The following NSD3 variants were observed in gnomAD, a reference collection of about 807,000 sequenced individuals.
The protein encoded by NSD3 is histone-lysine N-methyltransferase NSD3.
A neutral mutation model predicts 160.8 loss-of-function variants in NSD3; 24 were observed. The observed-to-expected ratio is 0.15, with a 90% CI of 0.11 to 0.21. The LOEUF (loss-of-function observed/expected upper bound fraction) is 0.21, where lower values mean the gene tolerates loss of function less well. NSD3 is among the 10% of genes least tolerant of loss of function. NSD3 has a pLI of 1.00. For synonymous variants in NSD3, 520 were observed against 600.0 expected, an observed-to-expected ratio of 0.87 and a Z score of 1.95; for missense variants, 1,157 against 1,735.9, an observed-to-expected ratio of 0.67 and a Z score of 5.93.
Position 38,382,228 on chromosome 8 carries a change from G to GCCGCCGCCGCCGCCTCTC in NSD3, c.-492_-475dup, listed in dbSNP as rs1294451625. On this transcript the variant is annotated 5_prime_UTR_variant, in exon 1 of 24. Coordinates refer to ENST00000317025, the MANE Select transcript of NSD3 (RefSeq NM_023034.2). The surrounding 1 kb of genome is among the most constrained non-coding windows in gnomAD (Gnocchi z 4.2). ...CCCCTCGGCCTCCGCCTCCGTGCTG[G>GCCGCCGCCGCCGCCTCTC]CCGCCGCCGCCGCCTCTCCCGCCGC... 4.0e-4 allele frequency: 67 copies of GCCGCCGCCGCCGCCTCTC among 168,064 alleles called. No individual in the cohort carries two copies. The highest frequency in any genetic ancestry group is 1.0e-3 in the African/African-American group (42 of 40,820). 10.4% of individuals were successfully genotyped at this position (168,064 alleles called of 1,614,324 possible). A position where few individuals can be genotyped will look rare whatever the true frequency, so the allele number is the denominator to read the frequency against.
At chr8:38,360,373 C>T (rs1311968113) in intron 1 of NSD3, among the ~76,000 whole-genome samples, 3 of 152,178 alleles carry the variant, frequency 2.0e-5, no homozygotes, top group South Asian at 4.1e-4. Context: ...AAGCACTTAA[C>T]ACATTTTTAG....
At chr8:38,299,375 C>T in intron 15 of NSD3, 69 bp downstream of exon 15, 1 of 1,517,046 alleles carries the variant, frequency 6.6e-7, no homozygotes, top group East Asian at 2.3e-5. Flanking sequence ...TACATTTCCC[C>T]CCTATATTGA....
chr8:38,287,048 A>G (rs764007284), intron 19 of NSD3, among the ~76,000 whole-genome samples: 5 of 152,180 alleles, frequency 3.3e-5, no homozygotes, highest in Non-Finnish European at 7.3e-5. Context: ...TGTCTTGTTC[A>G]CTATTGTTTT....
chr8:38,326,929 G>A, intron 6 of NSD3, 73 bp from the exon 7 acceptor site: 4 of 1,539,516 alleles, frequency 2.6e-6, no homozygotes, highest in Non-Finnish European at 3.5e-6. Flanking sequence ...GGCTTATAAA[G>A]ATGGCTTAAA....
intron 16 of NSD3, among the ~76,000 whole-genome samples, chr8:38,292,691 C>T (rs1048034415): frequency 4.0e-5 from 6 of 151,382 alleles, no homozygotes; most frequent in Non-Finnish European, 5.9e-5. Flanking sequence ...TGGGAGGCTG[C>T]GGCAGGAGAA....
intron 2 of NSD3, among the ~76,000 whole-genome samples, chr8:38,343,283 A>G (rs1810424526): frequency 6.6e-6 from 1 of 152,208 alleles, no homozygotes; most frequent in Admixed American, 6.5e-5. Context: ...ACATAGAGTA[A>G]AATCATAGTC....
At chr8:38,322,866 T>C (rs564710559) in intron 7 of NSD3, among the ~76,000 whole-genome samples, 1 of 152,202 alleles carries the variant, frequency 6.6e-6, no homozygotes, top group African/African-American at 2.4e-5. Context: ...TCAGCTGAGA[T>C]GATGCAATTG....
Position 38,318,339 on chromosome 8 carries a change from G to C in NSD3, c.1855+556C>G, listed in dbSNP as rs1434814731. 6.6e-6 allele frequency among the ~76,000 whole-genome samples: 1 copy of C among 152,198 alleles called. No individual in the cohort carries two copies. ...TTGTACTGTAGTCAAATTGCACACAGAAAATACAGATATAAGTTTAAGCTT... is the reference window on the plus strand; with the variant it reads ...TTGTACTGTAGTCAAATTGCACACACAAAATACAGATATAAGTTTAAGCTT... On this transcript the variant is annotated intron_variant, in intron 9 of 23. Transcript: ENST00000317025. This position sits in a 1 kb window ranked among gnomAD's most constrained non-coding sequence, Gnocchi z 5.3.
intron 12 of NSD3, 61 bp downstream of exon 12, chr8:38,314,586 G>C (rs1809612720): frequency 1.2e-6 from 2 of 1,606,652 alleles, no homozygotes; most frequent in Non-Finnish European, 1.7e-6. Flanking sequence ...GAGGTTGTCA[G>C]TGCACATTCC....
intron 16 of NSD3, among the ~76,000 whole-genome samples, chr8:38,291,437 T>G (rs534845395): frequency 1.3e-5 from 2 of 152,190 alleles, no homozygotes; most frequent in Non-Finnish European, 2.9e-5. Flanking sequence ...TACATAGACT[T>G]AAATTTTTTG....
At chr8:38,313,571 G>A (rs1339283412) in intron 12 of NSD3, among the ~76,000 whole-genome samples, 1 of 151,984 alleles carries the variant, frequency 6.6e-6, no homozygotes, top group Non-Finnish European at 1.5e-5. Flanking sequence ...GGCTGATCAC[G>A]AGGTCAGGAA....
intron 19 of NSD3, among the ~76,000 whole-genome samples, chr8:38,283,483 G>T (rs148285259): frequency 1.8e-3 from 249 of 140,012 alleles, no homozygotes; most frequent in African/African-American, 6.3e-3. Context: ...GTAGTCCCTA[G>T]CTGAAGAGAA....
At chr8:38,350,153 CGT>C (rs1349162801) in intron 1 of NSD3, among the ~76,000 whole-genome samples, 10 of 152,210 alleles carry the variant, frequency 6.6e-5, no homozygotes, top group African/African-American at 2.4e-4. Context: ...CATATGTGTG[CGT>C]GTGTCTTTAT....
In NSD3 at chr8:38,339,892, A is replaced by C. The variant is rs565473455; in HGVS notation, c.676-1285T>G. Among the ~76,000 whole-genome samples, 14 of 152,306 alleles carry C rather than the reference A, an allele frequency of 9.2e-5. 1 individual carries two copies. The East Asian group carries it at 2.5e-3, about 27-fold the overall frequency. On this transcript the variant is annotated intron_variant, in intron 2 of 23. Transcript: ENST00000317025. ...AAGAAAATCTAAGCAGAGGAATGGT[A>C]ACTACAGTATTATTTCATGTCAGTA...
intron 2 of NSD3, among the ~76,000 whole-genome samples, chr8:38,344,749 T>C (rs1463777744): frequency 6.6e-6 from 1 of 152,224 alleles, no homozygotes; most frequent in East Asian, 1.9e-4. Context: ...AATACATTTT[T>C]CATTATGTTT....
At chr8:38,352,622 T>C (rs1810729138) in intron 1 of NSD3, among the ~76,000 whole-genome samples, 1 of 152,152 alleles carries the variant, frequency 6.6e-6, no homozygotes, top group Non-Finnish European at 1.5e-5. Context: ...TTTGTTTGTT[T>C]TGAGATAGGG....
intron 15 of NSD3, among the ~76,000 whole-genome samples, chr8:38,298,043 A>C (rs1474035339): frequency 6.6e-6 from 1 of 151,898 alleles, no homozygotes. Flanking sequence ...AAGGGAAATA[A>C]AAAAAAATGT....
At chr8:38,289,353 T>C (rs1808942651) in intron 18 of NSD3, 40 bp downstream of exon 18, 1 of 1,535,480 alleles carries the variant, frequency 6.5e-7, no homozygotes, top group Non-Finnish European at 8.9e-7. Flanking sequence ...CTTTGTTTCT[T>C]ATTTTATTTG....
chr8:38,341,363 C>A (rs974189363), intron 2 of NSD3, among the ~76,000 whole-genome samples: 2 of 151,936 alleles, frequency 1.3e-5, no homozygotes, highest in Admixed American at 6.6e-5. Context: ...GATGGTGAAA[C>A]CCTGTCTCTA....
Sources: gnomAD v4.1 joint callset for allele counts (sites outside exome capture counted in the v4.1 genomes callset) on GRCh38, gnomAD v4.1.1 for gene constraint, Gnocchi (gnomAD v3.1) non-coding constraint, MANE v1.5 for transcripts, NCBI Gene and HGNC (gene_info 2026-07-23, HGNC 2026-07-21) for gene names.